Variants in MLLT3 observed in about 807,000 individuals in gnomAD.
MLLT3 encodes MLLT3 super elongation complex subunit.
A neutral mutation model predicts 53.2 loss-of-function variants in MLLT3; 4 were observed. The observed-to-expected ratio is 0.08, with a 90% confidence interval of 0.04 to 0.17. The LOEUF (loss-of-function observed/expected upper bound fraction) is 0.17, where lower values mean the gene tolerates loss of function less well. Ranked by LOEUF, MLLT3 falls within the 10% of genes least tolerant of loss-of-function variation. MLLT3 has a pLI of 1.00. For synonymous variants in MLLT3, 283 were observed against 230.6 expected (o/e 1.23, Z -2.06); for missense variants, 569 against 684.0 (o/e 0.83, Z 1.87).
intron 2 of MLLT3, among the ~76,000 whole-genome samples, chr9:20,603,756 C>T (rs1012101504): frequency 2.6e-5 from 4 of 151,994 alleles, no homozygotes; most frequent in Non-Finnish European, 4.4e-5. Context: ...TCTTCTACTC[C>T]TCGTTTTACA....
chr9:20,388,620 C>T (rs1409836796), intron 5 of MLLT3, among the ~76,000 whole-genome samples: 1 of 151,784 alleles, frequency 6.6e-6, no homozygotes, highest in Non-Finnish European at 1.5e-5. Flanking sequence ...AAAGAATCTC[C>T]CATTAAAAAA....
chr9:20,602,761 T>TATAC (rs369340965), intron 2 of MLLT3, among the ~76,000 whole-genome samples: 2 of 147,184 alleles, frequency 1.4e-5, no homozygotes, highest in Non-Finnish European at 3.0e-5. Context: ...TTAAGTTTGA[T>TATAC]ACACACACAC....
At chr9:20,600,669 C>A (rs1350864452) in intron 2 of MLLT3, among the ~76,000 whole-genome samples, 2 of 152,274 alleles carry the variant, frequency 1.3e-5, no homozygotes, top group South Asian at 4.2e-4. Context: ...AGCTTCTGAT[C>A]CTTCACACAC....
At chr9:20,561,781 CAG>C (rs1819219087) in intron 2 of MLLT3, among the ~76,000 whole-genome samples, 2 of 152,186 alleles carry the variant, frequency 1.3e-5, no homozygotes, top group Non-Finnish European at 2.9e-5. Context: ...ATATGGCACA[CAG>C]AGAAAAACAA....
intron 2 of MLLT3, among the ~76,000 whole-genome samples, chr9:20,501,163 C>T (rs1825215020): frequency 6.6e-6 from 1 of 152,304 alleles, no homozygotes; most frequent in South Asian, 2.1e-4. Flanking sequence ...TTCCATAAAT[C>T]ATGATGTCAC....
At chr9:20,465,248 AAG>A (rs1167832551) in intron 2 of MLLT3, among the ~76,000 whole-genome samples, 1 of 152,140 alleles carries the variant, frequency 6.6e-6, no homozygotes, top group Non-Finnish European at 1.5e-5. Context: ...AAAGTACAAA[AAG>A]AGATAATGTT....
At chr9:20,541,616 CCCATGAT>C (rs1159535895) in intron 2 of MLLT3, among the ~76,000 whole-genome samples, 1 of 152,138 alleles carries the variant, frequency 6.6e-6, no homozygotes, top group Admixed American at 6.5e-5. Flanking sequence ...GAAATCCGCC[CCCATGAT>C]CCAATCAACA....
At chr9:20,580,180 C>T (rs373449709) in intron 2 of MLLT3, among the ~76,000 whole-genome samples, 6 of 152,290 alleles carry the variant, frequency 3.9e-5, no homozygotes, top group Admixed American at 1.3e-4. Context: ...AATGCAAATG[C>T]TATCCACTAC....
At chr9:20,614,222 C>T (rs1315858995) in intron 2 of MLLT3, among the ~76,000 whole-genome samples, 1 of 152,150 alleles carries the variant, frequency 6.6e-6, no homozygotes, top group African/African-American at 2.4e-5. Context: ...TGGTGAAACC[C>T]TGTCTCTACT....
chr9:20,506,962 A>C (rs1825397017), intron 2 of MLLT3, among the ~76,000 whole-genome samples: 2 of 152,220 alleles, frequency 1.3e-5, no homozygotes, highest in Non-Finnish European at 2.9e-5. Context: ...CTTAAAAACG[A>C]ATCTTTCTCA....
At position 20,456,761 on chromosome 9, in the gene MLLT3, T is replaced by C. The variant is rs1563972924; in HGVS notation, c.219A>G (p.Val73=). 3.1e-6 allele frequency: 5 copies of C among 1,603,802 alleles called. No homozygotes were observed. The highest frequency in any genetic ancestry group is 3.4e-6 in the Non-Finnish European group (4 of 1,177,246). ...KRVCKDPPYK[V]EESGYAGFIL... ...TGAAACCAGCATACCCAGATTCTTCTACTTTGTAAGGTGGATCTTTGCACA... is the reference window on the plus strand; with the variant it reads ...TGAAACCAGCATACCCAGATTCTTCCACTTTGTAAGGTGGATCTTTGCACA... The change falls in exon 3 of 11, where the codon GTA becomes GTG. Residue 73 remains valine (V), a synonymous_variant. Coordinates refer to ENST00000380338, the MANE Select transcript of MLLT3 (RefSeq NM_004529.4).
At position 20,621,741 on chromosome 9, in the gene MLLT3, C is replaced by G; in HGVS notation, c.12+504G>C. ...CCGCCGCTGTCAGCCCCGCACACTT[C>G]GGCTCACACACGCGCGCCGCGGAGA... On this transcript the variant is annotated intron_variant, in intron 1 of 10. Transcript: ENST00000380338. This position sits in a 1 kb window ranked among gnomAD's most constrained non-coding sequence, Gnocchi z 7.0. The G allele has an allele frequency of 6.7e-7, 1 of 1,491,574 alleles. No individual in the cohort carries two copies. Among genetic ancestry groups the G allele is most frequent in the Non-Finnish European group, 8.9e-7 (1 of 1,127,798 alleles). 92.4% of individuals were successfully genotyped at this position (1,491,574 alleles called of 1,614,324 possible).
chr9:20,580,994 T>C (rs1819778427), intron 2 of MLLT3, among the ~76,000 whole-genome samples: 1 of 152,244 alleles, frequency 6.6e-6, no homozygotes, highest in Non-Finnish European at 1.5e-5. Flanking sequence ...CATTTGGTAA[T>C]TTGTACAAAA....
At chr9:20,427,731 T>C (rs1247853646) in intron 4 of MLLT3, among the ~76,000 whole-genome samples, 1 of 152,044 alleles carries the variant, frequency 6.6e-6, no homozygotes, top group Non-Finnish European at 1.5e-5. Context: ...GAGCTAGTGG[T>C]ACACTGGTGC....
At chr9:20,568,188 T>G (rs1447490653) in intron 2 of MLLT3, among the ~76,000 whole-genome samples, 1 of 152,122 alleles carries the variant, frequency 6.6e-6, no homozygotes, top group East Asian at 1.9e-4. Flanking sequence ...TAGGACTGAC[T>G]TCAAAATAAA....
At chr9:20,390,276 T>C (rs753750509) in intron 5 of MLLT3, among the ~76,000 whole-genome samples, 2 of 152,030 alleles carry the variant, frequency 1.3e-5, no homozygotes, top group Non-Finnish European at 2.9e-5. Context: ...TCCCCGAGAT[T>C]GTAAATATAG....
At chr9:20,496,122 T>G (rs757770248) in intron 2 of MLLT3, among the ~76,000 whole-genome samples, 1 of 152,244 alleles carries the variant, frequency 6.6e-6, no homozygotes, top group Non-Finnish European at 1.5e-5. Flanking sequence ...GGATTTCAAC[T>G]GTAACCTACC....
At position 20,620,242 on chromosome 9, in the gene MLLT3, T is replaced by C. The variant is rs1820957799; in HGVS notation, c.193+412A>G. Among the ~76,000 whole-genome samples the C allele has an allele frequency of 7.3e-6, 1 of 136,212 alleles. No homozygotes were observed. Among genetic ancestry groups the C allele is most frequent in the South Asian group, 2.3e-4 (1 of 4,360 alleles). The allele number at this position is 136,212 out of a possible 152,430, so 89.4% of individuals were successfully genotyped here. The stretch of plus-strand genomic sequence containing the variant: ...CTAATAACACAGGTAAATCTTAATT[T>C]CTCTAGGAAAACACACACACACACA... On this transcript the variant is annotated intron_variant, in intron 2 of 10. Transcript: ENST00000380338. This position sits in a 1 kb window ranked among gnomAD's most constrained non-coding sequence, Gnocchi z 6.1.
At chr9:20,441,879 T>G (rs980577746) in intron 4 of MLLT3, among the ~76,000 whole-genome samples, 9 of 152,162 alleles carry the variant, frequency 5.9e-5, no homozygotes, top group Non-Finnish European at 8.8e-5. Flanking sequence ...AAAAGCCACT[T>G]ATATTTTTAG....
Sources: gnomAD v4.1 joint callset for allele counts (sites outside exome capture counted in the v4.1 genomes callset) on GRCh38, gnomAD v4.1.1 for gene constraint, Gnocchi (gnomAD v3.1) non-coding constraint, MANE v1.5 for transcripts, NCBI Gene and HGNC (gene_info 2026-07-23, HGNC 2026-07-21) for gene names.